Variants in MAP4K3 observed in about 807,000 individuals in gnomAD.
The protein encoded by MAP4K3 is mitogen-activated protein kinase kinase kinase kinase 3, also known as MAPK/ERK kinase kinase kinase 3.
Under a neutral mutation model 143.5 loss-of-function variants are expected in MAP4K3, and 94 were observed. That is an observed-to-expected ratio of 0.65 (90% CI 0.55 to 0.78). The LOEUF (loss-of-function observed/expected upper bound fraction) is 0.78. MAP4K3 is among the 30% of genes least tolerant of loss of function. The pLI is 0.00. For missense variants in MAP4K3, 1,077 were observed against 1,068.1 expected (o/e 1.01, Z -0.12); for synonymous variants, 416 against 347.2 (o/e 1.20, Z -2.20).
intron 2 of MAP4K3, among the ~76,000 whole-genome samples, chr2:39,363,036 T>A (rs1281072514): frequency 1.3e-5 from 2 of 152,174 alleles, no homozygotes; most frequent in Non-Finnish European, 2.9e-5. Flanking sequence ...ACACAAAAAA[T>A]TCAGCTTTAA....
intron 22 of MAP4K3, among the ~76,000 whole-genome samples, chr2:39,281,246 G>A (rs1681514244): frequency 6.6e-6 from 1 of 152,070 alleles, no homozygotes; most frequent in African/African-American, 2.4e-5. Flanking sequence ...TCACAAACAC[G>A]GAGGTAACAT....
At chr2:39,393,780 C>G (rs941505401) in intron 1 of MAP4K3, among the ~76,000 whole-genome samples, 2 of 152,074 alleles carry the variant, frequency 1.3e-5, no homozygotes, top group African/African-American at 4.8e-5. Context: ...CACACTTGCT[C>G]AAGTCCCATA....
At chr2:39,326,655 A>T (rs1454275540) in intron 8 of MAP4K3, among the ~76,000 whole-genome samples, 1 of 152,196 alleles carries the variant, frequency 6.6e-6, no homozygotes, top group Non-Finnish European at 1.5e-5. Context: ...GGGCAGGGGC[A>T]GAATGATATG....
chr2:39,401,796 T>C (rs2148608149), intron 1 of MAP4K3, among the ~76,000 whole-genome samples: 1 of 152,216 alleles, frequency 6.6e-6, no homozygotes, highest in South Asian at 2.1e-4. Flanking sequence ...AGTGTGACCC[T>C]GTCTCAGAAA....
intron 13 of MAP4K3, among the ~76,000 whole-genome samples, chr2:39,313,873 G>A (rs11688352): frequency 6.6e-6 from 1 of 151,954 alleles, no homozygotes; most frequent in African/African-American, 2.4e-5. Context: ...GAGAATCACT[G>A]ATATGTTACC....
intron 33 of MAP4K3, 46 bp from the exon 34 acceptor site, chr2:39,250,751 A>G: frequency 6.6e-7 from 1 of 1,523,912 alleles, no homozygotes; most frequent in Non-Finnish European, 9.1e-7. Context: ...TATTCCTGAA[A>G]ATTAATGTTA....
chr2:39,401,327 G>C (rs1233705570), intron 1 of MAP4K3, among the ~76,000 whole-genome samples: 1 of 152,080 alleles, frequency 6.6e-6, no homozygotes, highest in African/African-American at 2.4e-5. Flanking sequence ...GGAAGAGAGA[G>C]AACAATTACC....
intron 3 of MAP4K3, among the ~76,000 whole-genome samples, chr2:39,355,221 C>T (rs1296709596): frequency 1.3e-5 from 2 of 151,844 alleles, no homozygotes; most frequent in Non-Finnish European, 2.9e-5. Context: ...ATTAGCTGGG[C>T]GTGGTGCCAC....
intron 2 of MAP4K3, among the ~76,000 whole-genome samples, chr2:39,367,156 G>A (rs1665945463): frequency 6.6e-6 from 1 of 152,264 alleles, no homozygotes; most frequent in East Asian, 1.9e-4. Context: ...TTTAAGATAA[G>A]TATCACTTAC....
chr2:39,413,036 C>CT (rs1667273026), intron 1 of MAP4K3, among the ~76,000 whole-genome samples: 1 of 152,178 alleles, frequency 6.6e-6, no homozygotes, highest in South Asian at 2.1e-4. Context: ...ACTGAAGTGA[C>CT]TAACGAGGAG....
intron 28 of MAP4K3, among the ~76,000 whole-genome samples, chr2:39,264,016 G>A (rs1680673743): frequency 6.6e-6 from 1 of 152,170 alleles, no homozygotes; most frequent in African/African-American, 2.4e-5. Context: ...CTGATATGAT[G>A]AAACATTTTC....
chr2:39,398,216 A>G (rs1327815852), intron 1 of MAP4K3, among the ~76,000 whole-genome samples: 1 of 152,204 alleles, frequency 6.6e-6, no homozygotes, highest in Non-Finnish European at 1.5e-5. Flanking sequence ...GTTAATAGCA[A>G]AAGACTGAAC....
At chr2:39,337,407 C>G in intron 5 of MAP4K3, 119 bp downstream of exon 5, 1 of 630,888 alleles carries the variant, frequency 1.6e-6, no homozygotes, top group Admixed American at 2.8e-5. Flanking sequence ...TATTAAAACT[C>G]ATTTTAAGAG....
At chr2:39,321,871 C>A (rs562605234) in intron 12 of MAP4K3, among the ~76,000 whole-genome samples, 179 of 152,328 alleles carry the variant, frequency 1.2e-3, no homozygotes, top group Non-Finnish European at 9.1e-4. Flanking sequence ...CCACTGTTCA[C>A]GTGTTTGTCT....
chr2:39,275,150 G>A (rs1238678974), intron 24 of MAP4K3, among the ~76,000 whole-genome samples: 1 of 152,210 alleles, frequency 6.6e-6, no homozygotes, highest in African/African-American at 2.4e-5. Context: ...AAGAAGGGAA[G>A]TTATTGCAGA....
At chr2:39,409,083 C>T (rs1667169841) in intron 1 of MAP4K3, among the ~76,000 whole-genome samples, 1 of 152,186 alleles carries the variant, frequency 6.6e-6, no homozygotes, top group Admixed American at 6.5e-5. Context: ...AAAACCAACC[C>T]TTCCTCTTCC....
rs567078786 is a variant in MAP4K3 at position 39,396,757 on chromosome 2, G to T, written c.97-18634C>A. 3.9e-5 allele frequency among the ~76,000 whole-genome samples: 6 copies of T among 152,294 alleles called. No individual in the cohort carries two copies. In the East Asian group the frequency reaches 1.2e-3, roughly 29 times the overall value. ...CAAAGTGCTGGGATTACAGACGTGA[G>T]CCACCGCGCCCAGCCCCAAATTTTT... On this transcript the variant is annotated intron_variant, in intron 1 of 33. Transcript: ENST00000263881.
intron 12 of MAP4K3, among the ~76,000 whole-genome samples, chr2:39,319,365 CA>C (rs1415936376): frequency 6.6e-6 from 1 of 151,844 alleles, no homozygotes; most frequent in Non-Finnish European, 1.5e-5. Flanking sequence ...TATCCTTGAA[CA>C]AAAGTTTGAA....
chr2:39,304,501 T>C (rs1486847659), intron 15 of MAP4K3, among the ~76,000 whole-genome samples: 1 of 152,170 alleles, frequency 6.6e-6, no homozygotes, highest in South Asian at 2.1e-4. Flanking sequence ...GAAATAACTA[T>C]GGCTACTTTA....
Sources: gnomAD v4.1 joint callset for allele counts (sites outside exome capture counted in the v4.1 genomes callset) on GRCh38, gnomAD v4.1.1 for gene constraint, MANE v1.5 for transcripts, NCBI Gene and HGNC (gene_info 2026-07-23, HGNC 2026-07-21) for gene names.